CFAP58: variants seen among roughly 807,000 people sequenced by gnomAD.
CFAP58 encodes cilia and flagella associated protein 58.
In CFAP58, 88 loss-of-function variants were observed where a neutral mutation model predicts 119.5. The ratio of observed to expected loss-of-function variants is 0.74; its 90% CI spans 0.62 to 0.88. The LOEUF is 0.88. Ranked by LOEUF, CFAP58 falls within the 40% of genes least tolerant of loss-of-function variation. The pLI is 0.00. For missense variants in CFAP58, 990 were observed against 1,021.2 expected (o/e 0.97, Z 0.42); for synonymous variants, 365 against 366.3 (o/e 1.00, Z 0.04).
Position 104,454,605 on chromosome 10 carries a change from T to A in CFAP58, c.*75T>A. On this transcript the variant is annotated 3_prime_UTR_variant, in exon 18 of 18. Transcript: ENST00000369704. Reference sequence around the variant, plus strand: ...GGGACATTTTGGGGGAATCTCAAAGTCCTTGGATCATAGAACTGAGTGCTG... The same window carrying A: ...GGGACATTTTGGGGGAATCTCAAAGACCTTGGATCATAGAACTGAGTGCTG... 9.2e-7 allele frequency: 1 copy of A among 1,082,024 alleles called. No homozygotes were observed. Among genetic ancestry groups the A allele is most frequent in the Admixed American group, 1.8e-5 (1 of 55,432 alleles). The allele number at this position is 1,082,024 out of a possible 1,614,324, so 67.0% of individuals were successfully genotyped here. A position where few individuals can be genotyped will look rare whatever the true frequency, so the allele number is the denominator to read the frequency against.
intron 9 of CFAP58, among the ~76,000 whole-genome samples, chr10:104,390,805 G>T (rs1227516809): frequency 6.6e-6 from 1 of 152,056 alleles, no homozygotes; most frequent in Non-Finnish European, 1.5e-5. Flanking sequence ...TTAAATTGTG[G>T]CACATGGAAC....
chr10:104,448,681 T>A (rs921483003), intron 16 of CFAP58, among the ~76,000 whole-genome samples: 2 of 152,252 alleles, frequency 1.3e-5, no homozygotes, highest in Admixed American at 1.3e-4. Context: ...TAAAACTGCA[T>A]CCTTTTATTT....
At chr10:104,357,988 CATAT>C (rs1295594540) in intron 1 of CFAP58, among the ~76,000 whole-genome samples, 1 of 142,042 alleles carries the variant, frequency 7.0e-6, no homozygotes, top group African/African-American at 2.7e-5. Flanking sequence ...CATATGTACA[CATAT>C]ATGTACACAT....
chr10:104,342,671 A>C, the CFAP58 span, among the ~76,000 whole-genome samples: 1 of 84,850 alleles, frequency 1.2e-5, no homozygotes, highest in East Asian at 2.3e-4. Flanking sequence ...CTATACAAAA[A>C]AAAAAAAAAA....
chr10:104,402,084 CAACTT>C (rs146099020), intron 13 of CFAP58, among the ~76,000 whole-genome samples: 22,320 of 152,096 alleles, frequency 0.15, 1,818 homozygotes, highest in Middle Eastern at 0.31. Context: ...AATGGGAAGA[CAACTT>C]AATAAATGTT....
rs1178031473 is a variant in CFAP58, at chr10:104,368,448, A to T, written c.818A>T (p.Glu273Val). 6.2e-7 allele frequency: 1 copy of T among 1,613,844 alleles called. No homozygotes were observed. Among genetic ancestry groups the T allele is most frequent in the African/African-American group, 1.3e-5 (1 of 74,928 alleles). The change falls in exon 6 of 18, where the codon GAA becomes GTA. Residue 273 changes from glutamate (E) to valine (V), a missense_variant. Coordinates refer to ENST00000369704, the MANE Select transcript of CFAP58 (RefSeq NM_001008723.2). ...QKILNERAAK[E>V]LEQFQMRNAK... ...ATATTGAATGAGAGAGCTGCAAAGG[A>T]ACTCGAGCAATTTCAGATGAGAAAT...
intron 15 of CFAP58, among the ~76,000 whole-genome samples, chr10:104,414,473 A>G (rs1266143179): frequency 6.6e-6 from 1 of 151,380 alleles, no homozygotes; most frequent in Non-Finnish European, 1.5e-5. Flanking sequence ...AGAGGGAGGG[A>G]GGAGAAGGTT....
At chr10:104,361,159 T>G (rs913488773) in intron 2 of CFAP58, among the ~76,000 whole-genome samples, 3 of 152,242 alleles carry the variant, frequency 2.0e-5, no homozygotes, top group Admixed American at 6.5e-5. Context: ...AAATTTACTG[T>G]GCTTTTCTCC....
chr10:104,371,984 A>G (rs116834177), intron 7 of CFAP58, among the ~76,000 whole-genome samples: 2,200 of 152,248 alleles, frequency 0.014, 44 homozygotes, highest in African/African-American at 0.051. Flanking sequence ...CACATTCCTC[A>G]CTAAAAGTTA....
rs549180067 is a variant in CFAP58 at position 104,386,324 on chromosome 10, C to T, written c.1366-5909C>T. Among the ~76,000 whole-genome samples, 61 of 149,940 alleles carry T rather than the reference C, an allele frequency of 4.1e-4. 1 individual carries two copies. Among genetic ancestry groups the T allele is most frequent in the Middle Eastern group, 3.4e-3 (1 of 290 alleles). On this transcript the variant is annotated intron_variant, in intron 9 of 17. Coordinates refer to ENST00000369704, the MANE Select transcript of CFAP58 (RefSeq NM_001008723.2). ...ACCTGGGAGGTGAGGTTGCAGTGAG[C>T]TGAGATTGTGCCATTGCACTCCAGC...
At chr10:104,413,970 C>T (rs17117015) in intron 15 of CFAP58, among the ~76,000 whole-genome samples, 2,746 of 152,236 alleles carry the variant, frequency 0.018, 83 homozygotes, top group East Asian at 0.15. Context: ...ATGCACTTAA[C>T]CTCATGGCCA....
chr10:104,370,564 A>T (rs1345601880), intron 6 of CFAP58, among the ~76,000 whole-genome samples: 1 of 152,230 alleles, frequency 6.6e-6, no homozygotes, highest in Non-Finnish European at 1.5e-5. Context: ...ATTACCTCCC[A>T]TCGGGTTCCT....
intron 14 of CFAP58, among the ~76,000 whole-genome samples, chr10:104,405,772 A>G: frequency 6.6e-6 from 1 of 152,206 alleles, no homozygotes; most frequent in East Asian, 1.9e-4. Flanking sequence ...ACCAAAGGAG[A>G]ATCCTAAGGC....
At chr10:104,416,200 C>T (rs556787751) in intron 15 of CFAP58, among the ~76,000 whole-genome samples, 173 of 152,270 alleles carry the variant, frequency 1.1e-3, no homozygotes, top group African/African-American at 3.9e-3. Context: ...GGGTTAATTA[C>T]GTTCGGGGGG....
intron 6 of CFAP58, among the ~76,000 whole-genome samples, chr10:104,369,900 C>A (rs972426640): frequency 2.6e-5 from 4 of 152,136 alleles, no homozygotes. Flanking sequence ...TTAAAATTTC[C>A]AAAATCTGGA....
the CFAP58 span, among the ~76,000 whole-genome samples, chr10:104,346,633 C>CTTTTTTTTTTTTTTTTTTTTTTT: frequency 3.0e-5 from 3 of 101,112 alleles, no homozygotes; most frequent in African/African-American, 1.3e-4. Context: ...GCCATTTAGT[C>CTTTTTTTTTTTTTTTTTTTTTTT]TTTTTTTTTT....
chr10:104,366,058 C>A (rs1030320809), intron 5 of CFAP58, 50 bp downstream of exon 5: 18 of 1,401,668 alleles, frequency 1.3e-5, no homozygotes, highest in Non-Finnish European at 1.7e-5. Flanking sequence ...CCCAGAATGG[C>A]ACCTTTATTC....
intron 15 of CFAP58, among the ~76,000 whole-genome samples, chr10:104,438,303 G>T (rs1404944145): frequency 6.6e-6 from 1 of 150,912 alleles, no homozygotes; most frequent in Non-Finnish European, 1.5e-5. Context: ...TGGCAAGTAT[G>T]CAAATCAATG....
At chr10:104,425,051 G>A (rs1414305427) in intron 15 of CFAP58, among the ~76,000 whole-genome samples, 1 of 152,206 alleles carries the variant, frequency 6.6e-6, no homozygotes, top group Non-Finnish European at 1.5e-5. Context: ...GTAAGGCAGT[G>A]AGAGGAACAG....
Sources: gnomAD v4.1 joint callset for allele counts (sites outside exome capture counted in the v4.1 genomes callset) on GRCh38, gnomAD v4.1.1 for gene constraint, MANE v1.5 for transcripts, NCBI Gene and HGNC (gene_info 2026-07-23, HGNC 2026-07-21) for gene names.